The following RNF19B variants were observed in gnomAD, a reference collection of about 807,000 sequenced individuals.
The protein encoded by RNF19B is ring finger protein 19B, also known as E3 ubiquitin-protein ligase RNF19B.
A neutral mutation model predicts 65.5 loss-of-function variants in RNF19B; 23 were observed. The ratio of observed to expected loss-of-function variants is 0.35; its 90% CI spans 0.25 to 0.50. RNF19B has a LOEUF of 0.50. Among genes scored for constraint, RNF19B ranks in the 20% least tolerant of loss-of-function variants. RNF19B has a pLI of 0.98. For synonymous variants in RNF19B, 372 were observed against 379.6 expected, an observed-to-expected ratio of 0.98 and a Z score of 0.23; for missense variants, 794 against 980.0, an observed-to-expected ratio of 0.81 and a Z score of 2.53.
intron 5 of RNF19B, among the ~76,000 whole-genome samples, chr1:32,944,627 G>GA (rs751216536): frequency 6.6e-6 from 1 of 152,032 alleles, no homozygotes; most frequent in Non-Finnish European, 1.5e-5. Context: ...AAGAGAACAG[G>GA]ATCTGAAGGC....
chr1:32,962,648 C>A lies in RNF19B; in HGVS notation c.635+1403G>T, dbSNP rs574966520. Reference sequence around the variant, plus strand: ...TTTCAAAACCACCTTGATATATAGGCTACAATTAAAAGTCCTTAACTCCTT... The same window carrying A: ...TTTCAAAACCACCTTGATATATAGGATACAATTAAAAGTCCTTAACTCCTT... On this transcript the variant is annotated intron_variant, in intron 1 of 8. Coordinates refer to ENST00000235150, the MANE Select transcript of RNF19B (RefSeq NM_001300826.2). Among the ~76,000 whole-genome samples, 6 of 152,276 alleles carry A rather than the reference C, an allele frequency of 3.9e-5. No homozygotes were observed. The South Asian group carries it at 1.2e-3, about 32-fold the overall frequency.
intron 7 of RNF19B, among the ~76,000 whole-genome samples, chr1:32,938,738 A>C (rs988414555): frequency 6.6e-6 from 1 of 152,132 alleles, no homozygotes; most frequent in East Asian, 1.9e-4. Context: ...CCCCACAGCT[A>C]CTGCTGAACT....
At chr1:32,934,228 C>CTG (rs1642062460), downstream of RNF19B, among the ~76,000 whole-genome samples, 2 of 152,226 alleles carry the variant, frequency 1.3e-5, no homozygotes, top group Non-Finnish European at 2.9e-5. Context: ...GTTGTCCAGA[C>CTG]TTGCCATCCT....
Position 32,964,584 on chromosome 1 carries a change from G to T in RNF19B, c.102C>A (p.Thr34=). ...CRSGGRRRRL[T]LHSVFSASAR... The stretch of plus-strand genomic sequence containing the variant: ...CCGAGGCAGAGAAGACGCTGTGCAA[G>T]GTGAGGCGCCGGCGCCGGCCGCCGC... Residue 34 remains threonine, a synonymous_variant, in exon 1 of 9, where the codon ACC becomes ACA. Transcript: ENST00000235150. The surrounding 1 kb of genome is among the most constrained non-coding windows in gnomAD (Gnocchi z 6.5). 1.4e-6 allele frequency: 2 copies of T among 1,440,884 alleles called. No individual in the cohort carries two copies. Among genetic ancestry groups the T allele is most frequent in the Non-Finnish European group, 1.8e-6 (2 of 1,099,204 alleles). 89.3% of individuals were successfully genotyped at this position (1,440,884 alleles called of 1,614,324 possible). A position where few individuals can be genotyped will look rare whatever the true frequency, so the allele number is the denominator to read the frequency against.
At chr1:32,948,132 G>T in intron 3 of RNF19B, 90 bp downstream of exon 3, 1 of 1,386,518 alleles carries the variant, frequency 7.2e-7, no homozygotes, top group Non-Finnish European at 9.9e-7. Flanking sequence ...AACCTGTAAT[G>T]AGAGAACGGA....
chr1:32,958,880 T>C (rs1642705781), intron 1 of RNF19B, among the ~76,000 whole-genome samples: 1 of 152,116 alleles, frequency 6.6e-6, no homozygotes, highest in African/African-American at 2.4e-5. Flanking sequence ...TTAGTACAAG[T>C]ACTTTGGCAA....
intron 1 of RNF19B, among the ~76,000 whole-genome samples, chr1:32,962,558 C>T (rs1642795804): frequency 1.3e-5 from 2 of 152,208 alleles, no homozygotes; most frequent in Non-Finnish European, 2.9e-5. Context: ...GTTAACTCTT[C>T]TTACTCTCCT....
At chr1:32,936,313 C>G (rs996534492), downstream of RNF19B, 1 of 152,852 alleles carries the variant, frequency 6.5e-6, no homozygotes, top group African/African-American at 2.4e-5. Flanking sequence ...TTATAGATGA[C>G]TACTGCGGTT....
At chr1:32,946,311 C>G (rs1642366492) in intron 4 of RNF19B, 91 bp downstream of exon 4, 1 of 1,109,478 alleles carries the variant, frequency 9.0e-7, no homozygotes, top group African/African-American at 1.6e-5. Flanking sequence ...TTTCAGGCAG[C>G]TCTGAAACAT....
Position 32,937,189 on chromosome 1 carries a change from T to C in RNF19B, c.1813A>G (p.Ser605Gly), listed in dbSNP as rs1489426974. 2 of 1,614,170 alleles carry C rather than the reference T, an allele frequency of 1.2e-6. No individual in the cohort carries two copies. The highest frequency in any genetic ancestry group is 2.2e-5 in the South Asian group (2 of 91,080). The change falls in exon 9 of 9, where the codon AGC (serine) becomes GGC (glycine). Residue 605 changes from serine to glycine, a missense_variant. Coordinates refer to ENST00000235150, the MANE Select transcript of RNF19B (RefSeq NM_001300826.2). ...KPSHYQLVSG[S>G]STEDSLHVHA... ...ACATGGAGCGAGTCCTCCGTGCTGCTTCCACTCACCAGCTGATAGTGGCTT... is the reference window on the plus strand; with the variant it reads ...ACATGGAGCGAGTCCTCCGTGCTGCCTCCACTCACCAGCTGATAGTGGCTT...
chr1:32,941,632 A>G (rs1319006140), intron 7 of RNF19B, among the ~76,000 whole-genome samples: 1 of 152,218 alleles, frequency 6.6e-6, no homozygotes, highest in African/African-American at 2.4e-5. Flanking sequence ...TACGAATTCT[A>G]TAAAAATGCC....
At chr1:32,938,089 T>C (rs1642145364) in intron 8 of RNF19B, among the ~76,000 whole-genome samples, 1 of 130,738 alleles carries the variant, frequency 7.6e-6, no homozygotes, top group Non-Finnish European at 1.5e-5. Context: ...AACATCAATC[T>C]AGCTCTTTAA....
At chr1:32,949,870 C>G in intron 1 of RNF19B, 96 bp from the exon 2 acceptor site, 1 of 849,070 alleles carries the variant, frequency 1.2e-6, no homozygotes, top group Non-Finnish European at 1.9e-6. Context: ...GGCACTACCC[C>G]ACTATCACAT....
In RNF19B at chr1:32,937,098, G is replaced by C; in HGVS notation, c.1904C>G (p.Pro635Arg). 1.9e-6 allele frequency: 3 copies of C among 1,614,144 alleles called. No homozygotes were observed. Among genetic ancestry groups the C allele is most frequent in the East Asian group, 2.2e-5 (1 of 44,888 alleles). Reference protein sequence around the residue: ...SGGGGSEEDPPCRHQSCEQKD... With the variant: ...SGGGGSEEDPRCRHQSCEQKD... Reference sequence around the variant, plus strand: ...CTGTTCACAGCTTTGGTGTCTGCAGGGGGGATCCTCTTCACTGCCTCCGCC... The same window carrying C: ...CTGTTCACAGCTTTGGTGTCTGCAGCGGGGATCCTCTTCACTGCCTCCGCC... Residue 635 changes from proline (P) to arginine (R), a missense_variant, in exon 9 of 9, where the codon CCC becomes CGC. Physicochemically the swap from Pro to Arg is moderately radical, Grantham distance 103. Around this residue, in one of 3 missense-constraint regions of RNF19B, gnomAD observed 368 missense variants for 447.3 expected, o/e 0.82. Coordinates refer to ENST00000235150, the MANE Select transcript of RNF19B (RefSeq NM_001300826.2).
At chr1:32,951,215 G>A (rs1642489460) in intron 1 of RNF19B, among the ~76,000 whole-genome samples, 1 of 152,144 alleles carries the variant, frequency 6.6e-6, no homozygotes, top group Non-Finnish European at 1.5e-5. Context: ...GAAGCAAATG[G>A]CTCAGTGTTG....
At chr1:32,953,362 T>C (rs1642556572) in intron 1 of RNF19B, among the ~76,000 whole-genome samples, 1 of 152,078 alleles carries the variant, frequency 6.6e-6, no homozygotes, top group Non-Finnish European at 1.5e-5. Context: ...TCTCCCGCAA[T>C]ATTCAAAGAC....
rs142580581 is a variant in RNF19B, at chr1:32,958,231, T to C, written c.635+5820A>G. ...TCTAAATTGGGGAAATTACATTATATTGAAGATTTATACTACATATTAGCA... is the reference window on the plus strand; with the variant it reads ...TCTAAATTGGGGAAATTACATTATACTGAAGATTTATACTACATATTAGCA... On this transcript the variant is annotated intron_variant, in intron 1 of 8. Transcript: ENST00000235150. Among the ~76,000 whole-genome samples, 777 of 152,300 alleles carry C rather than the reference T, an allele frequency of 5.1e-3. 8 individuals carry two copies. The highest frequency in any genetic ancestry group is 0.017 in the African/African-American group (721 of 41,554).
intron 7 of RNF19B, among the ~76,000 whole-genome samples, chr1:32,941,484 G>A (rs917405590): frequency 6.6e-6 from 1 of 152,142 alleles, no homozygotes; most frequent in African/African-American, 2.4e-5. Context: ...AGGCTGCAGC[G>A]AGCCAAGATT....
At chr1:32,932,614 A>C (rs946791012), downstream of RNF19B, among the ~76,000 whole-genome samples, 1 of 152,218 alleles carries the variant, frequency 6.6e-6, no homozygotes, top group African/African-American at 2.4e-5. Flanking sequence ...GGCCTGTCCA[A>C]GTAGTACTAG....
Sources: gnomAD v4.1 joint callset for allele counts (sites outside exome capture counted in the v4.1 genomes callset) on GRCh38, gnomAD v4.1.1 for gene constraint, gnomAD v4.1.1 regional missense constraint, Gnocchi (gnomAD v3.1) non-coding constraint, MANE v1.5 for transcripts, NCBI Gene and HGNC (gene_info 2026-07-23, HGNC 2026-07-21) for gene names.